ENTREP2: variants seen among roughly 807,000 people sequenced by gnomAD.
ENTREP2 encodes the protein endosomal transmembrane epsin interactor 2.
chr15:29,606,346 T>C, the ENTREP2 span, among the ~76,000 whole-genome samples: 3 of 151,802 alleles, frequency 2.0e-5, no homozygotes, highest in South Asian at 6.3e-4. Flanking sequence ...GTGATTATCC[T>C]GCCTCAGCCT....
the ENTREP2 span, among the ~76,000 whole-genome samples, chr15:29,248,345 A>G: frequency 1.3e-5 from 2 of 152,214 alleles, no homozygotes; most frequent in Non-Finnish European, 2.9e-5. Context: ...AAAGAGAAAC[A>G]TTGGTAAATT....
the ENTREP2 span, among the ~76,000 whole-genome samples, chr15:29,431,768 A>G: frequency 5.4e-4 from 83 of 152,320 alleles, no homozygotes; most frequent in African/African-American, 1.8e-3. Context: ...CACACACTCA[A>G]AATTTAAATA....
the ENTREP2 span, among the ~76,000 whole-genome samples, chr15:29,430,131 G>A: frequency 6.6e-6 from 1 of 152,172 alleles, no homozygotes; most frequent in East Asian, 1.9e-4. Flanking sequence ...AGTGGGGAAA[G>A]GCAAGAAGGC....
chr15:29,425,445 C>T, the ENTREP2 span, among the ~76,000 whole-genome samples: 4 of 152,190 alleles, frequency 2.6e-5, no homozygotes, highest in African/African-American at 9.7e-5. Context: ...TTGGCCACTG[C>T]CAGATAGCTC....
the ENTREP2 span, among the ~76,000 whole-genome samples, chr15:29,129,738 A>T: frequency 3.3e-5 from 5 of 152,004 alleles, no homozygotes; most frequent in African/African-American, 1.2e-4. Flanking sequence ...TCTCTGCCCC[A>T]TCTTCATTTT....
At chr15:29,209,827 T>C in the ENTREP2 span, among the ~76,000 whole-genome samples, 15 of 152,252 alleles carry the variant, frequency 9.9e-5, no homozygotes, top group Middle Eastern at 3.4e-3. Flanking sequence ...AGGGTCACTC[T>C]ACCCAGCTGT....
At chr15:29,376,289 C>A in the ENTREP2 span, 3 of 152,046 alleles carry the variant, frequency 2.0e-5, no homozygotes, top group Non-Finnish European at 4.4e-5. Flanking sequence ...TTCCATTATT[C>A]ATACATAAGC....
chr15:29,306,914 T>C, the ENTREP2 span, among the ~76,000 whole-genome samples: 2 of 151,846 alleles, frequency 1.3e-5, no homozygotes, highest in African/African-American at 4.8e-5. Context: ...CCTGACTAAT[T>C]TTTTGTACAT....
At chr15:29,578,146 G>A in the ENTREP2 span, among the ~76,000 whole-genome samples, 1 of 152,118 alleles carries the variant, frequency 6.6e-6, no homozygotes, top group Non-Finnish European at 1.5e-5. Context: ...CCACGAGGAT[G>A]GCTATAATAA....
chr15:29,391,802 A>G, the ENTREP2 span, among the ~76,000 whole-genome samples: 1 of 152,110 alleles, frequency 6.6e-6, no homozygotes. Flanking sequence ...TTCCTTTGTA[A>G]TAGTTTTTTT....
the ENTREP2 span, among the ~76,000 whole-genome samples, chr15:29,466,155 GCA>G: frequency 1.3e-5 from 2 of 152,316 alleles, no homozygotes; most frequent in African/African-American, 4.8e-5. Context: ...CATGAGTTCA[GCA>G]GGAAGGGCCA....
At chr15:29,636,305 T>C in the ENTREP2 span, among the ~76,000 whole-genome samples, 2 of 152,194 alleles carry the variant, frequency 1.3e-5, no homozygotes, top group African/African-American at 4.8e-5. Context: ...ACGTTAGCAG[T>C]TGAGGTGTGG....
chr15:29,370,038 A>AT, the ENTREP2 span, among the ~76,000 whole-genome samples: 1 of 152,254 alleles, frequency 6.6e-6, no homozygotes, highest in East Asian at 1.9e-4. Flanking sequence ...AAATAAACCT[A>AT]TTTTTTTAAA....
the ENTREP2 span, among the ~76,000 whole-genome samples, chr15:29,285,118 C>T: frequency 4.6e-5 from 7 of 152,114 alleles, no homozygotes; most frequent in Non-Finnish European, 1.0e-4. Context: ...AATTAAGCTA[C>T]GTTTTCTCAA....
chr15:29,235,501 G>A, the ENTREP2 span, among the ~76,000 whole-genome samples: 1 of 151,462 alleles, frequency 6.6e-6, no homozygotes, highest in Non-Finnish European at 1.5e-5. Context: ...ATGGATCAAA[G>A]AGAAAGCCTC....
At chr15:29,270,558 C>G in the ENTREP2 span, among the ~76,000 whole-genome samples, 2 of 152,198 alleles carry the variant, frequency 1.3e-5, no homozygotes, top group African/African-American at 2.4e-5. Context: ...CGTGCACTCT[C>G]AAGAGATTAC....
the ENTREP2 span, among the ~76,000 whole-genome samples, chr15:29,645,551 A>G: frequency 1.4e-5 from 2 of 145,314 alleles, no homozygotes; most frequent in East Asian, 4.0e-4. Flanking sequence ...TGATTACCTT[A>G]TTTATTTATT....
At chr15:29,501,872 A>T in the ENTREP2 span, among the ~76,000 whole-genome samples, 1 of 152,010 alleles carries the variant, frequency 6.6e-6, no homozygotes, top group African/African-American at 2.4e-5. Context: ...GTATTTGTAT[A>T]CACACAATGA....
At chr15:29,391,369 A>G in the ENTREP2 span, among the ~76,000 whole-genome samples, 1 of 151,964 alleles carries the variant, frequency 6.6e-6, no homozygotes, top group East Asian at 1.9e-4. Flanking sequence ...GAGAAAAGTT[A>G]CCTTTCTTCT....
Sources: gnomAD v4.1 joint callset for allele counts (sites outside exome capture counted in the v4.1 genomes callset) on GRCh38, gnomAD v4.1.1 for gene constraint, MANE v1.5 for transcripts, NCBI Gene and HGNC (gene_info 2026-07-23, HGNC 2026-07-21) for gene names.